RANBP17: variants seen among roughly 807,000 people sequenced by gnomAD.
The protein encoded by RANBP17 is RAN binding protein 17.
Under a neutral mutation model 141.2 loss-of-function variants are expected in RANBP17, and 158 were observed. That is an observed-to-expected ratio of 1.12 (90% CI 0.98 to 1.28). The LOEUF (loss-of-function observed/expected upper bound fraction) is 1.28. Among genes scored for constraint, RANBP17 ranks in the 50% most tolerant of loss-of-function variants. The pLI is 0.00. For missense variants in RANBP17, 1,438 were observed against 1,290.7 expected, an observed-to-expected ratio of 1.11 and a Z score of -1.75; for synonymous variants, 430 against 450.0, an observed-to-expected ratio of 0.96 and a Z score of 0.56.
chr5:171,041,413 A>C (rs1782243847), intron 14 of RANBP17, among the ~76,000 whole-genome samples: 1 of 152,160 alleles, frequency 6.6e-6, no homozygotes, highest in Non-Finnish European at 1.5e-5. Flanking sequence ...TACATAATTT[A>C]TGTATTTTGA....
chr5:171,118,132 A>G (rs770866842), intron 14 of RANBP17, among the ~76,000 whole-genome samples: 2 of 152,092 alleles, frequency 1.3e-5, no homozygotes, highest in Non-Finnish European at 2.9e-5. Context: ...TAGGTCTTAC[A>G]TTTAGGTCTT....
chr5:171,246,453 C>T (rs1378170302), intron 24 of RANBP17, among the ~76,000 whole-genome samples: 1 of 152,174 alleles, frequency 6.6e-6, no homozygotes, highest in African/African-American at 2.4e-5. Context: ...TTTAATGATC[C>T]TGTACTGCTT....
chr5:171,248,869 G>A (rs1469357429), intron 24 of RANBP17, among the ~76,000 whole-genome samples: 1 of 152,100 alleles, frequency 6.6e-6, no homozygotes, highest in Non-Finnish European at 1.5e-5. Flanking sequence ...CATCACCCAT[G>A]CCACGTGGGC....
chr5:171,296,048 A>G (rs747487924), intron 27 of RANBP17, 34 bp downstream of exon 27: 1 of 1,598,454 alleles, frequency 6.3e-7, no homozygotes, highest in East Asian at 2.3e-5. Flanking sequence ...CACTGGGGGA[A>G]GTAGACATTC....
chr5:170,968,644 T>C (rs1205411333), intron 14 of RANBP17: 5 of 516,170 alleles, frequency 9.7e-6, no homozygotes, highest in Non-Finnish European at 1.9e-5. Flanking sequence ...TAAACACTAA[T>C]CAATTTTGCC....
At chr5:171,136,556 C>G (rs1243195853) in intron 14 of RANBP17, among the ~76,000 whole-genome samples, 2 of 152,034 alleles carry the variant, frequency 1.3e-5, no homozygotes, top group African/African-American at 4.8e-5. Context: ...CACATTTGAG[C>G]AGGATCAAAA....
intron 14 of RANBP17, among the ~76,000 whole-genome samples, chr5:170,981,846 T>C (rs905457851): frequency 7.9e-5 from 12 of 152,116 alleles, no homozygotes; most frequent in African/African-American, 2.7e-4. Context: ...AGTAGTTAGG[T>C]GATTTGCACT....
chr5:171,266,921 A>G (rs981381728), intron 25 of RANBP17, among the ~76,000 whole-genome samples: 7 of 152,118 alleles, frequency 4.6e-5, no homozygotes, highest in African/African-American at 1.7e-4. Context: ...TCAAAAAAAA[A>G]GAAAAAAGAA....
At chr5:170,968,217 T>G in intron 13 of RANBP17, 25 bp from the exon 14 acceptor site, 1 of 1,518,622 alleles carries the variant, frequency 6.6e-7, no homozygotes, top group Non-Finnish European at 8.8e-7. Context: ...ACTGAAGGTT[T>G]TTTTTTTATT....
chr5:170,948,374 A>C (rs921771307), intron 12 of RANBP17, among the ~76,000 whole-genome samples: 1 of 152,212 alleles, frequency 6.6e-6, no homozygotes, highest in African/African-American at 2.4e-5. Context: ...GCAAACTTGC[A>C]GGATACGGGA....
Position 170,911,096 on chromosome 5 carries a change from A to G in RANBP17, c.722A>G (p.Asp241Gly). 1 of 1,611,710 alleles carries G rather than the reference A, an allele frequency of 6.2e-7. No individual in the cohort carries two copies. The highest frequency in any genetic ancestry group is 8.5e-7 in the Non-Finnish European group (1 of 1,178,508). ...AGTTCAGCAGATGAATCTGCAGATG[A>G]TCTTTGCACGGTGCAGATTCCAACA... ...IGSSADESADDLCTVQIPTTW... is the reference protein window; with the variant it reads ...IGSSADESADGLCTVQIPTTW... The change falls in exon 7 of 28, where the codon GAT becomes GGT. Residue 241 changes from aspartate (D) to glycine (G), a missense_variant. Asp to Gly is a moderately conservative substitution (Grantham distance 94, BLOSUM62 -1). Transcript: ENST00000523189.
chr5:171,033,809 G>T (rs1397489000), intron 14 of RANBP17, among the ~76,000 whole-genome samples: 1 of 152,086 alleles, frequency 6.6e-6, no homozygotes, highest in East Asian at 1.9e-4. Flanking sequence ...TGACTTTGGA[G>T]ATAAGATTGC....
intron 13 of RANBP17, among the ~76,000 whole-genome samples, chr5:170,967,343 G>T (rs1369966505): frequency 1.3e-5 from 2 of 152,042 alleles, no homozygotes; most frequent in African/African-American, 2.4e-5. Context: ...GAAACTGGGT[G>T]GGTCAGGCCT....
At chr5:170,905,733 T>A (rs1771023910) in intron 5 of RANBP17, among the ~76,000 whole-genome samples, 1 of 152,126 alleles carries the variant, frequency 6.6e-6, no homozygotes, top group Admixed American at 6.5e-5. Context: ...ATTTAAATAT[T>A]TTCATAAAAG....
At chr5:171,253,597 T>G (rs1276891003) in intron 24 of RANBP17, among the ~76,000 whole-genome samples, 1 of 152,234 alleles carries the variant, frequency 6.6e-6, no homozygotes, top group East Asian at 1.9e-4. Flanking sequence ...AGTGGCTTTT[T>G]GTTTCCCCAA....
rs1768786404 is a variant in RANBP17, at chr5:171,295,899, C to T, written c.3055C>T (p.Leu1019=). The T allele has an allele frequency of 6.2e-7, 1 of 1,613,212 alleles. No individual in the cohort carries two copies. The highest frequency in any genetic ancestry group is 8.5e-7 in the Non-Finnish European group (1 of 1,179,512). The change falls in exon 27 of 28, where the codon CTG becomes TTG. Residue 1019 remains leucine (L), a synonymous_variant. Coordinates refer to ENST00000523189, the MANE Select transcript of RANBP17 (RefSeq NM_022897.5). The part of the protein sequence containing the change: ...ILLNEKYFSE[L]RASLINSQPL... ...TGTCTCCCATCAGTATTTCAGTGAACTGAGAGCAAGTTTGATAAACAGCCA... is the reference window on the plus strand; with the variant it reads ...TGTCTCCCATCAGTATTTCAGTGAATTGAGAGCAAGTTTGATAAACAGCCA...
chr5:171,293,986 G>A lies in RANBP17; in HGVS notation c.3042+5G>A, dbSNP rs750310540. On this transcript the variant is annotated splice_donor_5th_base_variant and intron_variant, in intron 26 of 27. Transcript: ENST00000523189. ...CTCATCCTGCTCAATGAGAAGGTGA[G>A]TGTGATTGCAGGAAGTCACGGGAGG... 16 of 1,607,050 alleles carry A rather than the reference G, an allele frequency of 1.0e-5. No individual in the cohort carries two copies. The highest frequency in any genetic ancestry group is 3.3e-5 in the South Asian group (3 of 90,944).
chr5:171,248,513 C>A (rs1007350308), intron 24 of RANBP17, among the ~76,000 whole-genome samples: 1 of 152,158 alleles, frequency 6.6e-6, no homozygotes, highest in Non-Finnish European at 1.5e-5. Flanking sequence ...CTTAGGCAGT[C>A]CACGTGCCTG....
At chr5:171,282,679 G>A (rs1047715015) in intron 25 of RANBP17, among the ~76,000 whole-genome samples, 3 of 151,884 alleles carry the variant, frequency 2.0e-5, no homozygotes, top group Admixed American at 1.3e-4. Flanking sequence ...GGGGTTTCAC[G>A]ATGTTGGCCA....
Sources: allele counts gnomAD v4.1 joint callset (sites outside exome capture counted in the v4.1 genomes callset), GRCh38; gene constraint gnomAD v4.1.1; transcripts MANE v1.5; gene names NCBI Gene and HGNC (gene_info 2026-07-23, HGNC 2026-07-21).